RNF17: variants seen among roughly 807,000 people sequenced by gnomAD.
RNF17 encodes ring finger protein 17, also known as spermatogenesis associated 23.
RNF17 carries 31 observed loss-of-function variants against 200.5 expected under a neutral mutation model. That is an observed-to-expected ratio of 0.15 (90% confidence interval 0.12 to 0.21). The LOEUF is 0.21. Ranked by LOEUF, RNF17 falls within the 10% of genes least tolerant of loss-of-function variation. The probability of loss-of-function intolerance (pLI) is 1.00; values close to 1 mark genes in which losing one functional copy is unlikely to be tolerated. For synonymous variants in RNF17, 606 were observed against 637.8 expected (o/e 0.95, Z 0.75); for missense variants, 1,628 against 1,905.1 (o/e 0.85, Z 2.71).
At chr13:24,881,561 T>TAGAG (rs1014170856), downstream of RNF17, among the ~76,000 whole-genome samples, 19 of 151,848 alleles carry the variant, frequency 1.3e-4, no homozygotes, top group Admixed American at 2.6e-4. Flanking sequence ...AGGTATATTC[T>TAGAG]AGAGATATCT....
intron 18 of RNF17, among the ~76,000 whole-genome samples, chr13:24,839,055 A>G (rs538603701): frequency 2.4e-4 from 37 of 152,202 alleles, no homozygotes; most frequent in African/African-American, 8.7e-4. Flanking sequence ...CAAATCAAGA[A>G]CTCAACCCCT....
At chr13:24,881,999 T>TAG (rs1953861320), downstream of RNF17, among the ~76,000 whole-genome samples, 1 of 28,836 alleles carries the variant, frequency 3.5e-5, no homozygotes, top group Non-Finnish European at 8.1e-5. Flanking sequence ...TAGATACATC[T>TAG]ATATAGATAT....
rs546476989 is a variant in RNF17 at position 24,764,349 on chromosome 13, G to C, written c.130+16G>C. 5.7e-6 allele frequency: 9 copies of C among 1,574,630 alleles called. No individual in the cohort carries two copies. The highest frequency in any genetic ancestry group is 6.9e-6 in the Non-Finnish European group (8 of 1,157,888). ...AGATCATCCGGTGAGGAGCCCAAGGGCCCACCTAGCGGGGAGGCAGCCTGG... is the reference window on the plus strand; with the variant it reads ...AGATCATCCGGTGAGGAGCCCAAGGCCCCACCTAGCGGGGAGGCAGCCTGG... On this transcript the variant is annotated intron_variant, in intron 1 of 35. Coordinates refer to ENST00000255324, the MANE Select transcript of RNF17 (RefSeq NM_031277.3).
intron 10 of RNF17, among the ~76,000 whole-genome samples, chr13:24,794,879 A>T (rs2137670822): frequency 6.6e-6 from 1 of 152,242 alleles, no homozygotes; most frequent in Admixed American, 6.5e-5. Flanking sequence ...CACAATCCTC[A>T]GCTAATTTTT....
intron 16 of RNF17, among the ~76,000 whole-genome samples, chr13:24,828,303 C>T (rs1867764): frequency 0.98 from 149,519 of 152,170 alleles, 73,496 homozygotes; most frequent in Middle Eastern, 1. Flanking sequence ...TGTGATTTGT[C>T]TGGCCCATTT....
At chr13:24,861,216 C>T (rs1273536283) in intron 26 of RNF17, 52 bp from the exon 27 acceptor site, 5 of 1,459,798 alleles carry the variant, frequency 3.4e-6, no homozygotes, top group East Asian at 5.0e-5. Context: ...CCTTTTGTCC[C>T]CTAGCTTTTA....
chr13:24,872,013 G>T (rs1894329276), intron 32 of RNF17, among the ~76,000 whole-genome samples: 1 of 128,430 alleles, frequency 7.8e-6, no homozygotes, highest in Non-Finnish European at 1.6e-5. Context: ...TTGTTGCCCA[G>T]GCTGGAGTGC....
chr13:24,859,169 G>T lies in RNF17; in HGVS notation c.3774+5G>T. The T allele has an allele frequency of 6.4e-7, 1 of 1,570,670 alleles. No individual in the cohort carries two copies. The highest frequency in any genetic ancestry group is 1.7e-4 in the Middle Eastern group (1 of 5,868). On this transcript the variant is annotated splice_donor_5th_base_variant and intron_variant, in intron 26 of 35. Transcript: ENST00000255324. Reference sequence around the variant, plus strand: ...GTTGTAGGTGGCGCTGTCAGAGTGAGTCTGATATTCTTTTGTGACAATTCT... The same window carrying T: ...GTTGTAGGTGGCGCTGTCAGAGTGATTCTGATATTCTTTTGTGACAATTCT...
chr13:24,771,421 G>A (rs1487697774), intron 2 of RNF17, among the ~76,000 whole-genome samples: 1 of 136,030 alleles, frequency 7.4e-6, no homozygotes. Context: ...TCACGCCTTA[G>A]CCTTCCAAAG....
intron 16 of RNF17, among the ~76,000 whole-genome samples, chr13:24,828,942 G>A (rs2138003576): frequency 6.6e-6 from 1 of 152,024 alleles, no homozygotes; most frequent in African/African-American, 2.4e-5. Context: ...CAGATTAGCC[G>A]GGGCTATAGG....
chr13:24,862,581 T>C (rs921332424), intron 27 of RNF17, 132 bp from the exon 28 acceptor site: 4 of 605,976 alleles, frequency 6.6e-6, no homozygotes, highest in Non-Finnish European at 1.2e-5. Flanking sequence ...TGATATTCTC[T>C]GAGAACTGCT....
At chr13:24,883,807 CAA>C (rs1953932915), downstream of RNF17, among the ~76,000 whole-genome samples, 1 of 152,164 alleles carries the variant, frequency 6.6e-6, no homozygotes, top group South Asian at 2.1e-4. Context: ...TAATTCACAT[CAA>C]GTTGACTGAC....
chr13:24,825,967 CTTAACCATTGGGAA>C, intron 16 of RNF17, 195 bp downstream of exon 16: 1 of 985,020 alleles, frequency 1.0e-6, no homozygotes, highest in Non-Finnish European at 1.2e-6. Flanking sequence ...TTGACTAGAA[CTTAACCATTGGGAA>C]TCTTGCTGGA....
At position 24,793,168 on chromosome 13, in the gene RNF17, C is replaced by T. The variant is rs1362478582; in HGVS notation, c.1062C>T (p.Thr354=). ...AAAAGGTTGACATGTCTGTCCTAACCAGTGAAGCACCACCACCTCCTTTGC... is the reference window on the plus strand; with the variant it reads ...AAAAGGTTGACATGTCTGTCCTAACTAGTGAAGCACCACCACCTCCTTTGC... The part of the protein sequence containing the change: ...EKKKVDMSVL[T]SEAPPPPLQP... The change falls in exon 10 of 36, where the codon ACC becomes ACT. Residue 354 remains threonine, a synonymous_variant. Coordinates refer to ENST00000255324, the MANE Select transcript of RNF17 (RefSeq NM_031277.3). 12 of 1,613,942 alleles carry T rather than the reference C, an allele frequency of 7.4e-6. No homozygotes were observed. Among genetic ancestry groups the T allele is most frequent in the South Asian group, 2.2e-5 (2 of 91,082 alleles).
At chr13:24,757,264 A>T in the RNF17 span, among the ~76,000 whole-genome samples, 2 of 151,938 alleles carry the variant, frequency 1.3e-5, no homozygotes, top group Non-Finnish European at 2.9e-5. Flanking sequence ...CCATGCTGAA[A>T]TTCTACTGTA....
chr13:24,755,672 G>T, the RNF17 span, among the ~76,000 whole-genome samples: 1 of 152,062 alleles, frequency 6.6e-6, no homozygotes, highest in Non-Finnish European at 1.5e-5. Context: ...GAAAAGTTTC[G>T]TCTCTGAAAT....
rs201901606 is a variant in RNF17, at chr13:24,862,705, T to C, written c.3895-8T>C. 43 of 1,578,058 alleles carry C rather than the reference T, an allele frequency of 2.7e-5. No individual in the cohort carries two copies. The highest frequency in any genetic ancestry group is 3.6e-5 in the Non-Finnish European group (41 of 1,148,110). On this transcript the variant is annotated splice_region_variant and splice_polypyrimidine_tract_variant and intron_variant, in intron 27 of 35. Transcript: ENST00000255324. Reference sequence around the variant, plus strand: ...ATAAAAGAATCTGAGTTTATTAATCTCAAATAGGTTGGGAATGTCTGGCAA... The same window carrying C: ...ATAAAAGAATCTGAGTTTATTAATCCCAAATAGGTTGGGAATGTCTGGCAA...
Position 24,864,966 on chromosome 13 carries a change from A to G in RNF17, c.4069A>G (p.Thr1357Ala). The change falls in exon 29 of 36, where the codon ACT becomes GCT. Residue 1357 changes from threonine (T) to alanine (A), a missense_variant. Physicochemically the swap from Thr to Ala is moderately conservative, Grantham distance 58 (BLOSUM62 0). This residue lies in a region of RNF17 where 609 missense variants were observed against 681.9 expected (regional missense o/e 0.89). Transcript: ENST00000255324. ...TTTTATGGCATACTATAAATACTGT[A>G]CTTCTGAACATACTGAGGAGATGTT... is the stretch of plus-strand genomic sequence containing the variant. ...SYFMAYYKYCTSEHTEEMLKE... is the reference protein window; with the variant it reads ...SYFMAYYKYCASEHTEEMLKE... 6.4e-7 allele frequency: 1 copy of G among 1,564,132 alleles called. No homozygotes were observed. The highest frequency in any genetic ancestry group is 8.7e-7 in the Non-Finnish European group (1 of 1,152,506).
intron 15 of RNF17, among the ~76,000 whole-genome samples, chr13:24,822,570 C>T (rs780664978): frequency 1.3e-5 from 2 of 151,870 alleles, no homozygotes; most frequent in Non-Finnish European, 2.9e-5. Context: ...TACTTGCATG[C>T]ACCACCACAC....
Sources: allele counts gnomAD v4.1 joint callset (sites outside exome capture counted in the v4.1 genomes callset), GRCh38; gene constraint gnomAD v4.1.1; regional missense constraint gnomAD v4.1.1; transcripts MANE v1.5; gene names NCBI Gene and HGNC (gene_info 2026-07-23, HGNC 2026-07-21).